Variants in IFNL3 observed in about 807,000 individuals in gnomAD.
IFNL3 encodes interferon lambda-3.
IFNL3 carries 16 observed loss-of-function variants against 16.3 expected under a neutral mutation model. That is an observed-to-expected ratio of 0.98 (90% CI 0.67 to 1.50). The LOEUF is 1.50. Ranked by LOEUF, IFNL3 falls within the 40% of genes most tolerant of loss-of-function variation. IFNL3 has a pLI of 0.00. For synonymous variants in IFNL3, 115 were observed against 115.3 expected, an observed-to-expected ratio of 1.00 and a Z score of 0.02; for missense variants, 254 against 253.5, an observed-to-expected ratio of 1.00 and a Z score of -0.01.
In IFNL3 at chr19:39,244,003, C is replaced by T. The variant is rs2074928953; in HGVS notation, c.408+5G>A. The T allele has an allele frequency of 6.2e-7, 1 of 1,613,098 alleles. No individual in the cohort carries two copies. Among genetic ancestry groups the T allele is most frequent in the South Asian group, 1.1e-5 (1 of 91,064 alleles). ...GACCTGGGTGCCCGGGCCCTGACGA[C>T]TCACACAGGCCCGGAGCTGGGAGAG... is the stretch of plus-strand genomic sequence containing the variant. On this transcript the variant is annotated splice_donor_5th_base_variant and intron_variant, in intron 3 of 4. Coordinates refer to ENST00000413851, the MANE Select transcript of IFNL3 (RefSeq NM_172139.4).
At position 39,244,901 on chromosome 19, in the gene IFNL3, G is replaced by C. The variant is rs202028512; in HGVS notation, c.67C>G (p.Pro23Ala). 2 of 1,614,002 alleles carry C rather than the reference G, an allele frequency of 1.2e-6. No individual in the cohort carries two copies. The highest frequency in any genetic ancestry group is 1.7e-6 in the Non-Finnish European group (2 of 1,179,882). Reference protein sequence around the residue: ...AAVLTVTGAVPVARLRGALPD... With the variant: ...AAVLTVTGAVAVARLRGALPD... ...AGAGCCCCGCGGAGCCTGGCGACAG[G>C]AACTGCTCCAGTCACGGTCAGCACT... is the stretch of plus-strand genomic sequence containing the variant. The change falls in exon 1 of 5, where the codon CCT becomes GCT. Residue 23 changes from proline to alanine, a missense_variant. Physicochemically the swap from Pro to Ala is conservative, Grantham distance 27. Coordinates refer to ENST00000413851, the MANE Select transcript of IFNL3 (RefSeq NM_172139.4).
Position 39,244,349 on chromosome 19 carries a change from A to G in IFNL3, c.258+68T>C, listed in dbSNP as rs988412016. The G allele has an allele frequency of 6.3e-5, 97 of 1,532,946 alleles. No homozygotes were observed. The African/African-American group carries it at 1.1e-3, about 18-fold the overall frequency. The allele number at this position is 1,532,946 out of a possible 1,614,324, so 95.0% of individuals were successfully genotyped here. A position where few individuals can be genotyped will look rare whatever the true frequency, so the allele number is the denominator to read the frequency against. On this transcript the variant is annotated intron_variant, in intron 2 of 4. Coordinates refer to ENST00000413851, the MANE Select transcript of IFNL3 (RefSeq NM_172139.4). ...AGGGACAATGGAGAAGGAGAAGGTG[A>G]AGGGGCCACTACAGAGCCAGGTGAG...
chr19:39,244,261 G>C, intron 2 of IFNL3, 104 bp from the exon 3 acceptor site: 1 of 1,534,790 alleles, frequency 6.5e-7, no homozygotes, highest in Non-Finnish European at 8.8e-7. Context: ...CAGGGGAGAG[G>C]GCACAGCCAG....
chr19:39,244,951 A>G lies in IFNL3; in HGVS notation c.17T>C (p.Met6Thr), dbSNP rs71356848. 2.1e-4 allele frequency: 334 copies of G among 1,612,046 alleles called. No individual in the cohort carries two copies. Among genetic ancestry groups the G allele is most frequent in the East Asian group, 1.1e-3 (50 of 44,872 alleles). The part of the protein sequence containing the change: MTGDC[M>T]PVLVLMAAVL... ...TGCGGCCATCAGCACCAGCACTGGC[A>G]TGCAGTCCCCGGTCATGTCTGTGTC... Residue 6 changes from methionine to threonine, a missense_variant, in exon 1 of 5, where the codon ATG becomes ACG. Met to Thr is a moderately conservative substitution (Grantham distance 81). Coordinates refer to ENST00000413851, the MANE Select transcript of IFNL3 (RefSeq NM_172139.4).
intron 2 of IFNL3, 92 bp from the exon 3 acceptor site, chr19:39,244,249 C>T: frequency 6.4e-7 from 1 of 1,558,888 alleles, no homozygotes; most frequent in South Asian, 1.2e-5. Context: ...AGGTGACAGG[C>T]ACAGGGGAGA....
chr19:39,243,516 C>T, downstream of IFNL3: 1 of 1,188,082 alleles, frequency 8.4e-7, no homozygotes, highest in South Asian at 1.5e-5. Flanking sequence ...AAACATTTTC[C>T]TGGAGGTGAG....
chr19:39,243,628 A>G lies in IFNL3; in HGVS notation c.*4T>C. 6.3e-7 allele frequency: 1 copy of G among 1,585,860 alleles called. No homozygotes were observed. The highest frequency in any genetic ancestry group is 8.6e-7 in the Non-Finnish European group (1 of 1,165,846). On this transcript the variant is annotated 3_prime_UTR_variant, in exon 5 of 5. Transcript: ENST00000413851. ...AATCTCAGGTTGCATGACTGGCGGA[A>G]GGGTCAGACACACAGGTCCCCGCTG...
At chr19:39,244,217 G>A in intron 2 of IFNL3, 60 bp from the exon 3 acceptor site, 1 of 1,597,020 alleles carries the variant, frequency 6.3e-7, no homozygotes, top group South Asian at 1.1e-5. Context: ...GTTGGGGGAG[G>A]AGGATAGAGA....
Position 39,243,846 on chromosome 19 carries a change from C to G in IFNL3, c.470G>C (p.Arg157Pro), listed in dbSNP as rs138525614. Residue 157 changes from arginine to proline, a missense_variant, in exon 4 of 5, where the codon CGG becomes CCG. Transcript: ENST00000413851. ...TRGRLHHWLH[R>P]LQEAPKKESP... ...CACCTTTTTTGGGGCCTCCTGGAGC[C>G]GGTGCAGCCAATGGTGGAGGCGGCC... 1 of 1,613,866 alleles carries G rather than the reference C, an allele frequency of 6.2e-7. No individual in the cohort carries two copies. The highest frequency in any genetic ancestry group is 1.7e-5 in the Admixed American group (1 of 59,916).
intron 4 of IFNL3, 32 bp from the exon 5 acceptor site, chr19:39,243,762 T>A: frequency 6.2e-7 from 1 of 1,612,852 alleles, no homozygotes; most frequent in Non-Finnish European, 8.5e-7. Context: ...TCAGGGGCTG[T>A]CTGGGTTCTG....
chr19:39,245,110 C>A, upstream of IFNL3: 1 of 1,585,140 alleles, frequency 6.3e-7, no homozygotes, highest in South Asian at 1.1e-5. Flanking sequence ...GCAGAAGAAA[C>A]ACTCTGAGGC....
At position 39,243,890 on chromosome 19, in the gene IFNL3, C is replaced by T. The variant is rs769150907; in HGVS notation, c.426G>A (p.Thr142=). The part of the protein sequence containing the change: ...QLRACIQPQP[T]AGPRTRGRLH... ...GGCGGCCCCGGGTCCTGGGCCCTGC[C>T]GTGGGCTGAGGCTGGATCTGTGGGC... is the stretch of plus-strand genomic sequence containing the variant. Residue 142 remains threonine (T), a synonymous_variant, in exon 4 of 5, where the codon ACG becomes ACA. Coordinates refer to ENST00000413851, the MANE Select transcript of IFNL3 (RefSeq NM_172139.4). The T allele has an allele frequency of 1.2e-5, 19 of 1,613,642 alleles. No individual in the cohort carries two copies. The highest frequency in any genetic ancestry group is 2.7e-5 in the African/African-American group (2 of 75,050).
intron 1 of IFNL3, 118 bp downstream of exon 1, chr19:39,244,670 C>T: frequency 3.6e-6 from 5 of 1,395,752 alleles, no homozygotes; most frequent in Non-Finnish European, 4.9e-6. Context: ...CATGAGATAG[C>T]CCACTGCAGG....
Position 39,244,486 on chromosome 19 carries a change from C to G in IFNL3, c.189G>C (p.Ser63=). The G allele has an allele frequency of 6.2e-7, 1 of 1,610,184 alleles. No individual in the cohort carries two copies. The highest frequency in any genetic ancestry group is 8.5e-7 in the Non-Finnish European group (1 of 1,178,292). Residue 63 remains serine, a synonymous_variant, in exon 2 of 5, where the codon TCG becomes TCC. Transcript: ENST00000413851. ...FKRAKDALEE[S]LLLKDCKCRS... is the part of the protein sequence containing the mutation. ...GGCACTTGCAGTCCTTCAGCAGAAG[C>G]GACTCTTCCTAGACAGCAAAGGCAC...
rs1454986249 is a variant in IFNL3, at chr19:39,244,309, G to A, written c.258+108C>T. Reference sequence around the variant, plus strand: ...GGAGCAGAGGGAAGGGGTAGCAGGTGTGGGGAGAGGAGAGAGGGACAATGG... The same window carrying A: ...GGAGCAGAGGGAAGGGGTAGCAGGTATGGGGAGAGGAGAGAGGGACAATGG... On this transcript the variant is annotated intron_variant, in intron 2 of 4. Transcript: ENST00000413851. 1.7e-5 allele frequency: 25 copies of A among 1,477,820 alleles called. No individual in the cohort carries two copies. The East Asian group carries it at 3.5e-4, about 21-fold the overall frequency. 91.5% of individuals were successfully genotyped at this position (1,477,820 alleles called of 1,614,324 possible). A position where few individuals can be genotyped will look rare whatever the true frequency, so the allele number is the denominator to read the frequency against.
chr19:39,243,794 C>G (rs775936067), intron 4 of IFNL3, 30 bp downstream of exon 4: 5 of 1,613,426 alleles, frequency 3.1e-6, no homozygotes, highest in Non-Finnish European at 4.2e-6. Flanking sequence ...GCTCCCCAGA[C>G]CTCAGTCCCT....
chr19:39,244,993 C>A lies in IFNL3; in HGVS notation c.-26G>T. ...GTCTGTGTCACAGAGAGAAAGGGAG[C>A]TGAGGGAATGCAGAGGCTGCCCACT... On this transcript the variant is annotated 5_prime_UTR_variant, in exon 1 of 5. Coordinates refer to ENST00000413851, the MANE Select transcript of IFNL3 (RefSeq NM_172139.4). 14 of 1,613,884 alleles carry A rather than the reference C, an allele frequency of 8.7e-6. No homozygotes were observed. Among genetic ancestry groups the A allele is most frequent in the Non-Finnish European group, 1.1e-5 (13 of 1,179,846 alleles).
rs149832972 is a variant in IFNL3, at chr19:39,244,019, G to A, written c.397C>T (p.Leu133Phe). 1.2e-4 allele frequency: 196 copies of A among 1,613,866 alleles called. 1 individual carries two copies. In the East Asian group the frequency reaches 1.4e-3, roughly 12 times the overall value. The change falls in exon 3 of 5, where the codon CTC becomes TTC. Residue 133 changes from leucine (L) to phenylalanine (F), a missense_variant. Physicochemically the swap from Leu to Phe is conservative, Grantham distance 22. Coordinates refer to ENST00000413851, the MANE Select transcript of IFNL3 (RefSeq NM_172139.4). ...CCCTGACGACTCACACAGGCCCGGAGCTGGGAGAGGATATGGTGCAGGGTG... is the reference window on the plus strand; with the variant it reads ...CCCTGACGACTCACACAGGCCCGGAACTGGGAGAGGATATGGTGCAGGGTG... ...LHTLHHILSQ[L>F]RACIQPQPTA...
rs201895612 is a variant in IFNL3 at position 39,243,926 on chromosome 19, G to A, written c.409-19C>T. 3.1e-5 allele frequency: 50 copies of A among 1,612,040 alleles called. No individual in the cohort carries two copies. Among genetic ancestry groups the A allele is most frequent in the Middle Eastern group, 1.7e-4 (1 of 5,980 alleles). Reference sequence around the variant, plus strand: ...GCTGGATCTGTGGGCAGAGGAGGGCGGTGTGTGAGCCGGGGCCTTGGCCAG... The same window carrying A: ...GCTGGATCTGTGGGCAGAGGAGGGCAGTGTGTGAGCCGGGGCCTTGGCCAG... On this transcript the variant is annotated intron_variant, in intron 3 of 4. Coordinates refer to ENST00000413851, the MANE Select transcript of IFNL3 (RefSeq NM_172139.4).
Sources: allele counts gnomAD v4.1 joint callset, GRCh38; gene constraint gnomAD v4.1.1; transcripts MANE v1.5; gene names NCBI Gene and HGNC (gene_info 2026-07-23, HGNC 2026-07-21).